ARHGEF28: variants seen among roughly 807,000 people sequenced by gnomAD.
ARHGEF28 encodes Rho guanine nucleotide exchange factor 28, also known as 190 kDa guanine nucleotide exchange factor.
Under a neutral mutation model 206.6 loss-of-function variants are expected in ARHGEF28, and 152 were observed. The observed-to-expected ratio is 0.74, with a 90% CI of 0.64 to 0.84. The LOEUF (loss-of-function observed/expected upper bound fraction) is 0.84. Ranked by LOEUF, ARHGEF28 falls within the 40% of genes least tolerant of loss-of-function variation. The pLI, the probability that ARHGEF28 is intolerant of heterozygous loss-of-function variation, is 0.00. For missense variants in ARHGEF28, 2,028 were observed against 2,073.2 expected, an observed-to-expected ratio of 0.98 and a Z score of 0.42; for synonymous variants, 763 against 776.4, an observed-to-expected ratio of 0.98 and a Z score of 0.29.
At chr5:73,795,412 C>T (rs1246765022) in intron 9 of ARHGEF28, 21 bp downstream of exon 9, 8 of 1,601,928 alleles carry the variant, frequency 5.0e-6, no homozygotes, top group Non-Finnish European at 6.8e-6. Context: ...ACGCTTTTAC[C>T]TATACTCGTA....
At chr5:73,802,888 G>A (rs961009416) in intron 9 of ARHGEF28, among the ~76,000 whole-genome samples, 96 of 150,488 alleles carry the variant, frequency 6.4e-4, no homozygotes, top group African/African-American at 2.3e-3. Flanking sequence ...GTGTGTGTGT[G>A]TGTGTGTGTG....
intron 12 of ARHGEF28, among the ~76,000 whole-genome samples, chr5:73,848,067 A>C (rs1388002056): frequency 1.3e-5 from 2 of 152,340 alleles, no homozygotes; most frequent in African/African-American, 4.8e-5. Flanking sequence ...TAATTTTAGT[A>C]AAGAGTTTTG....
chr5:73,828,326 A>G (rs1397483820), intron 9 of ARHGEF28, among the ~76,000 whole-genome samples: 1 of 152,182 alleles, frequency 6.6e-6, no homozygotes, highest in East Asian at 1.9e-4. Context: ...TCTAGATCCT[A>G]TTGTCTTGAG....
intron 2 of ARHGEF28, among the ~76,000 whole-genome samples, chr5:73,715,174 C>T (rs1419268015): frequency 6.6e-6 from 1 of 152,138 alleles, no homozygotes; most frequent in East Asian, 1.9e-4. Context: ...GGCTGGAAAC[C>T]AAGCTCAGAA....
At chr5:73,799,806 C>A (rs890766139) in intron 9 of ARHGEF28, among the ~76,000 whole-genome samples, 3 of 152,132 alleles carry the variant, frequency 2.0e-5, no homozygotes, top group Non-Finnish European at 4.4e-5. Flanking sequence ...GATAGAGACA[C>A]TCCCTATAGG....
chr5:73,750,673 G>T (rs938811714), intron 3 of ARHGEF28, among the ~76,000 whole-genome samples: 1 of 152,102 alleles, frequency 6.6e-6, no homozygotes, highest in Non-Finnish European at 1.5e-5. Flanking sequence ...TGGTATGTGG[G>T]TTGTGCATTT....
At position 73,901,284 on chromosome 5, in the gene ARHGEF28, G is replaced by C; in HGVS notation, c.4074G>C (p.Lys1358Asn). 6.2e-7 allele frequency: 1 copy of C among 1,612,116 alleles called. No individual in the cohort carries two copies. The highest frequency in any genetic ancestry group is 8.5e-7 in the Non-Finnish European group (1 of 1,179,010). The change falls in exon 31 of 36, where the codon AAG (lysine) becomes AAC (asparagine). Residue 1358 changes from lysine (K) to asparagine (N), a missense_variant and splice_region_variant. By Grantham distance (94) the Lys-to-Asn change is moderately conservative. This residue lies in a region of ARHGEF28 where 803 missense variants were observed against 768.0 expected (regional missense o/e 1.05). Coordinates refer to ENST00000513042, the MANE Select transcript of ARHGEF28 (RefSeq NM_001177693.2). ...TDLAVSDAGE[K>N]VECRNFPGSS... Reference sequence around the variant, plus strand: ...TGGCCGTCTCTGATGCAGGGGAGAAGGTATTGTGAACTGATTTGTTAGTAA... The same window carrying C: ...TGGCCGTCTCTGATGCAGGGGAGAACGTATTGTGAACTGATTTGTTAGTAA...
chr5:73,816,128 A>G (rs11745883), intron 9 of ARHGEF28, among the ~76,000 whole-genome samples: 61,146 of 151,764 alleles, frequency 0.4, 12,751 homozygotes, highest in East Asian at 0.55. Flanking sequence ...GGGGGGTGCC[A>G]GGCACTGTTC....
At chr5:73,860,854 C>G (rs1759354503) in intron 16 of ARHGEF28, among the ~76,000 whole-genome samples, 1 of 152,184 alleles carries the variant, frequency 6.6e-6, no homozygotes, top group South Asian at 2.1e-4. Flanking sequence ...CCTAGGCCCC[C>G]CTTCAGCCTC....
chr5:73,629,008 C>T (rs1009205989), intron 1 of ARHGEF28, among the ~76,000 whole-genome samples: 2 of 152,184 alleles, frequency 1.3e-5, no homozygotes, highest in Admixed American at 1.3e-4. Flanking sequence ...ATGGGGCTCT[C>T]TTTCTATGAA....
At chr5:73,887,861 TAGTA>T (rs1233651671) in intron 26 of ARHGEF28, among the ~76,000 whole-genome samples, 182 bp downstream of exon 26, 23 of 152,202 alleles carry the variant, frequency 1.5e-4, no homozygotes, top group African/African-American at 5.5e-4. Context: ...TAAATTAGCA[TAGTA>T]AGTGTTGCGT....
intron 2 of ARHGEF28, among the ~76,000 whole-genome samples, chr5:73,722,635 C>T (rs751442405): frequency 6.6e-6 from 1 of 152,166 alleles, no homozygotes; most frequent in Non-Finnish European, 1.5e-5. Flanking sequence ...ACATTTGGTT[C>T]CTGATTTAAA....
chr5:73,711,073 T>C (rs1749217503), intron 2 of ARHGEF28, among the ~76,000 whole-genome samples: 1 of 152,180 alleles, frequency 6.6e-6, no homozygotes, highest in Admixed American at 6.5e-5. Flanking sequence ...CTTTCTCCAT[T>C]GAACTGCCTT....
intron 29 of ARHGEF28, among the ~76,000 whole-genome samples, chr5:73,896,394 T>A (rs1384444587): frequency 6.6e-6 from 1 of 152,104 alleles, no homozygotes; most frequent in Admixed American, 6.5e-5. Flanking sequence ...TGGGATCAGA[T>A]CATTGTAGGC....
chr5:73,664,523 A>T (rs968618139), intron 1 of ARHGEF28, among the ~76,000 whole-genome samples: 1 of 152,208 alleles, frequency 6.6e-6, no homozygotes, highest in Non-Finnish European at 1.5e-5. Flanking sequence ...AATAGTAGGT[A>T]TAATATATGG....
chr5:73,896,821 C>A (rs1761985424), intron 29 of ARHGEF28, among the ~76,000 whole-genome samples: 1 of 152,188 alleles, frequency 6.6e-6, no homozygotes, highest in African/African-American at 2.4e-5. Flanking sequence ...GGTTGTACGC[C>A]CATCTGCTTC....
intron 11 of ARHGEF28, among the ~76,000 whole-genome samples, chr5:73,845,011 ATTTTTTT>A (rs70973277): frequency 3.0e-5 from 3 of 99,368 alleles, no homozygotes; most frequent in African/African-American, 4.0e-5. Flanking sequence ...CAAAGGAATC[ATTTTTTT>A]TTTTTTTTTT....
At chr5:73,903,564 C>T (rs1300486126) in intron 31 of ARHGEF28, 1 of 152,736 alleles carries the variant, frequency 6.5e-6, no homozygotes, top group Non-Finnish European at 1.5e-5. Flanking sequence ...AAGAACAAGG[C>T]ATAGACCCTC....
intron 22 of ARHGEF28, among the ~76,000 whole-genome samples, chr5:73,876,760 A>G (rs889811646): frequency 4.6e-5 from 7 of 151,266 alleles, no homozygotes; most frequent in Non-Finnish European, 1.0e-4. Flanking sequence ...CTTGCATCCC[A>G]GGGATGAAGC....
Sources: gnomAD v4.1 joint callset for allele counts (sites outside exome capture counted in the v4.1 genomes callset) on GRCh38, gnomAD v4.1.1 for gene constraint, gnomAD v4.1.1 regional missense constraint, MANE v1.5 for transcripts, NCBI Gene and HGNC (gene_info 2026-07-23, HGNC 2026-07-21) for gene names.